Variants in RAD51B observed in about 807,000 individuals in gnomAD.
RAD51B encodes the protein RAD51 paralog B, also known as DNA repair protein RAD51 homolog 2.
RAD51B carries 38 observed loss-of-function variants against 42.2 expected under a neutral mutation model. The ratio of observed to expected loss-of-function variants is 0.90; its 90% confidence interval spans 0.70 to 1.18. The LOEUF is 1.18. Among genes scored for constraint, RAD51B ranks in the 50% most tolerant of loss-of-function variants. The probability of loss-of-function intolerance (pLI) is 0.00; values close to 1 mark genes in which losing one functional copy is unlikely to be tolerated. For synonymous variants in RAD51B, 154 were observed against 145.2 expected (o/e 1.06, Z -0.43); for missense variants, 373 against 400.7 (o/e 0.93, Z 0.59).
Position 68,291,868 on chromosome 14 carries a change from C to T in RAD51B, c.757-16C>T, listed in dbSNP as rs1372566157. ...TTCTCCCTTGCCCCCTACCCCTTCT[C>T]CCTGTCTGTTCACAGGTTATCTTGA... On this transcript the variant is annotated splice_polypyrimidine_tract_variant and intron_variant, in intron 7 of 10. Transcript: ENST00000471583. The T allele has an allele frequency of 2.5e-6, 4 of 1,596,786 alleles. No individual in the cohort carries two copies. Among genetic ancestry groups the T allele is most frequent in the Non-Finnish European group, 3.4e-6 (4 of 1,164,532 alleles).
At chr14:68,658,672 C>T (rs1407462691) in intron 11 of RAD51B, among the ~76,000 whole-genome samples, 2 of 152,186 alleles carry the variant, frequency 1.3e-5, no homozygotes, top group African/African-American at 2.4e-5. Context: ...GAGACTCTGC[C>T]TCAGGGTTCT....
chr14:67,819,982 GCC>G (rs899257850), intron 1 of RAD51B, 129 bp downstream of exon 1: 3 of 152,148 alleles, frequency 2.0e-5, no homozygotes, highest in African/African-American at 7.2e-5. Flanking sequence ...TGCTGGTCAC[GCC>G]CCCTTAAGAC....
chr14:68,344,908 C>G (rs1179027154), intron 8 of RAD51B, among the ~76,000 whole-genome samples: 1 of 142,250 alleles, frequency 7.0e-6, no homozygotes, highest in Non-Finnish European at 1.5e-5. Flanking sequence ...GATCATGCCA[C>G]TGCACTCCAG....
At chr14:67,931,218 G>T (rs540470922) in intron 7 of RAD51B, among the ~76,000 whole-genome samples, 1 of 152,260 alleles carries the variant, frequency 6.6e-6, no homozygotes, top group East Asian at 1.9e-4. Context: ...ACCGCGTCCT[G>T]CCTGGCTGGG....
intron 4 of RAD51B, among the ~76,000 whole-genome samples, chr14:67,836,680 G>T (rs944533835): frequency 1.3e-5 from 2 of 152,032 alleles, no homozygotes; most frequent in Admixed American, 1.3e-4. Flanking sequence ...GTCCAGGCTG[G>T]TCTCAAACTC....
chr14:67,871,704 C>A (rs1873115974), intron 5 of RAD51B, among the ~76,000 whole-genome samples: 3 of 149,508 alleles, frequency 2.0e-5, no homozygotes, highest in South Asian at 2.1e-4. Context: ...TACTGGCAAA[C>A]CGAATCCAGC....
chr14:68,361,497 G>A (rs1291783586), intron 8 of RAD51B, among the ~76,000 whole-genome samples: 2 of 152,124 alleles, frequency 1.3e-5, no homozygotes, highest in African/African-American at 4.8e-5. Flanking sequence ...GCTCCCTAGA[G>A]CTTTAGTTTC....
chr14:68,352,405 A>G lies in RAD51B; in HGVS notation c.854-59019A>G, dbSNP rs1444313993. Among the ~76,000 whole-genome samples, 3 of 152,320 alleles carry G rather than the reference A, an allele frequency of 2.0e-5. No individual in the cohort carries two copies. In the East Asian group the frequency reaches 5.8e-4, roughly 29 times the overall value. On this transcript the variant is annotated intron_variant, in intron 8 of 10. Transcript: ENST00000471583. ...AAGTGACCAGGCCACCCCCTTGCCC[A>G]CATAGAAACATGTCTGCTAACTCTT...
chr14:68,114,493 A>G (rs553843700), intron 7 of RAD51B, among the ~76,000 whole-genome samples: 2 of 152,244 alleles, frequency 1.3e-5, no homozygotes, highest in African/African-American at 4.8e-5. Context: ...AAATTTGTGC[A>G]GATACATATG....
chr14:68,415,030 T>TAA (rs1160426613), intron 9 of RAD51B, among the ~76,000 whole-genome samples: 4 of 15,816 alleles, frequency 2.5e-4, no homozygotes, highest in East Asian at 0.03. Context: ...AGACTCTGTC[T>TAA]CAAAAAAAAA....
chr14:68,246,893 A>G (rs1469650068), intron 7 of RAD51B, among the ~76,000 whole-genome samples: 2 of 152,310 alleles, frequency 1.3e-5, no homozygotes, highest in African/African-American at 2.4e-5. Context: ...TTTAGCCCGC[A>G]GTGGTTTCTG....
chr14:68,348,089 G>A (rs2082709658), intron 8 of RAD51B, among the ~76,000 whole-genome samples: 1 of 152,152 alleles, frequency 6.6e-6, no homozygotes, highest in Admixed American at 6.5e-5. Flanking sequence ...CATGCTCTGG[G>A]AGGGCATGAG....
intron 7 of RAD51B, among the ~76,000 whole-genome samples, chr14:68,233,752 C>G (rs1457882961): frequency 6.6e-6 from 1 of 152,084 alleles, no homozygotes; most frequent in Non-Finnish European, 1.5e-5. Context: ...GTGGGAGGAG[C>G]CCCATCAATA....
chr14:67,880,387 A>G (rs2042867025), intron 5 of RAD51B, among the ~76,000 whole-genome samples: 1 of 152,194 alleles, frequency 6.6e-6, no homozygotes, highest in South Asian at 2.1e-4. Flanking sequence ...GGAAAAAGTG[A>G]CTTCTTAGTC....
chr14:68,237,589 C>T (rs1455142916), intron 7 of RAD51B, among the ~76,000 whole-genome samples: 2 of 152,134 alleles, frequency 1.3e-5, no homozygotes, highest in Non-Finnish European at 2.9e-5. Flanking sequence ...ATTTCTTCTC[C>T]TTACTCCCCA....
rs575909907 is a variant in RAD51B, at chr14:67,887,110, A to G, written c.662A>G (p.Asp221Gly). Reference protein sequence around the residue: ...SVASVVRKEFDAQLQGNLKER... With the variant: ...SVASVVRKEFGAQLQGNLKER... ...GCTTCTGTGGTCAGAAAGGAGTTTG[A>G]TGCACAACTTCAAGGCAATCTCAAA... is the stretch of plus-strand genomic sequence containing the variant. Residue 221 changes from aspartate (D) to glycine (G), a missense_variant, in exon 7 of 11, where the codon GAT (aspartate) becomes GGT (glycine). Physicochemically the swap from Asp to Gly is moderately conservative, Grantham distance 94 (BLOSUM62 -1). Coordinates refer to ENST00000471583, the MANE Select transcript of RAD51B (RefSeq NM_133510.4). The G allele has an allele frequency of 6.2e-7, 1 of 1,603,108 alleles. No homozygotes were observed. Among genetic ancestry groups the G allele is most frequent in the Non-Finnish European group, 8.5e-7 (1 of 1,170,784 alleles).
intron 5 of RAD51B, among the ~76,000 whole-genome samples, chr14:67,869,246 C>T (rs1009891197): frequency 3.9e-5 from 6 of 152,154 alleles, no homozygotes; most frequent in African/African-American, 1.4e-4. Flanking sequence ...CTTAAAGGAG[C>T]TGATGGAGCT....
At chr14:68,032,381 T>C (rs989812270) in intron 7 of RAD51B, among the ~76,000 whole-genome samples, 1 of 152,186 alleles carries the variant, frequency 6.6e-6, no homozygotes, top group South Asian at 2.1e-4. Context: ...TTATTTTGGC[T>C]CTCACATCAG....
intron 7 of RAD51B, among the ~76,000 whole-genome samples, chr14:68,034,381 CCTA>C (rs1302095360): frequency 6.6e-6 from 1 of 151,978 alleles, no homozygotes; most frequent in East Asian, 1.9e-4. Context: ...AAGCAATCCT[CCTA>C]CTTCAGGCTC....
Sources: allele counts gnomAD v4.1 joint callset (sites outside exome capture counted in the v4.1 genomes callset), GRCh38; gene constraint gnomAD v4.1.1; transcripts MANE v1.5; gene names NCBI Gene and HGNC (gene_info 2026-07-23, HGNC 2026-07-21).